HEATR5B: variants seen among roughly 807,000 people sequenced by gnomAD.
The protein encoded by HEATR5B is HEAT repeat-containing protein 5B.
In HEATR5B, 156 loss-of-function variants were observed where a neutral mutation model predicts 224.1. That is an observed-to-expected ratio of 0.70 (90% CI 0.61 to 0.80). The LOEUF (loss-of-function observed/expected upper bound fraction) is 0.80, where lower values mean the gene tolerates loss of function less well. Ranked by LOEUF, HEATR5B falls within the 30% of genes least tolerant of loss-of-function variation. The probability of loss-of-function intolerance (pLI) is 0.00; values close to 1 mark genes in which losing one functional copy is unlikely to be tolerated. For synonymous variants in HEATR5B, 1,027 were observed against 893.0 expected, an observed-to-expected ratio of 1.15 and a Z score of -2.68; for missense variants, 2,323 against 2,535.5, an observed-to-expected ratio of 0.92 and a Z score of 1.80.
In HEATR5B at chr2:37,056,582, G is replaced by A. The variant is rs749387901; in HGVS notation, c.2257C>T (p.Leu753=). ...TAAATAGAGGAAGGATCATGCTCCA[G>A]AGCCCCACTTCCAGAGGCACTGTTT... ...QPNSASGSGA[L]EHDPSSIYLR... is the part of the protein sequence containing the mutation. The change falls in exon 16 of 36, where the codon CTG becomes TTG. Residue 753 remains leucine, a synonymous_variant. Coordinates refer to ENST00000233099, the MANE Select transcript of HEATR5B (RefSeq NM_019024.3). 159 of 1,608,204 alleles carry A rather than the reference G, an allele frequency of 9.9e-5. No individual in the cohort carries two copies. The highest frequency in any genetic ancestry group is 1.3e-4 in the Non-Finnish European group (153 of 1,177,430).
chr2:37,080,769 T>C (rs570522066), intron 2 of HEATR5B, among the ~76,000 whole-genome samples: 2 of 149,672 alleles, frequency 1.3e-5, no homozygotes, highest in East Asian at 3.9e-4. Flanking sequence ...AAGGAATATG[T>C]ACAGATTAAA....
intron 6 of HEATR5B, among the ~76,000 whole-genome samples, chr2:37,071,848 C>G (rs1377877367): frequency 1.3e-5 from 2 of 152,000 alleles, no homozygotes; most frequent in Admixed American, 1.3e-4. Flanking sequence ...CCATGCCTGG[C>G]TAATTTTTGT....
At chr2:37,059,097 T>A in intron 12 of HEATR5B, 110 bp from the exon 13 acceptor site, 1 of 574,190 alleles carries the variant, frequency 1.7e-6, no homozygotes, top group Non-Finnish European at 2.9e-6. Context: ...TATTATAACG[T>A]ATAAGGTTCT....
At chr2:37,013,619 A>T (rs776691329) in intron 27 of HEATR5B, among the ~76,000 whole-genome samples, 8 of 152,254 alleles carry the variant, frequency 5.3e-5, no homozygotes, top group Non-Finnish European at 1.0e-4. Context: ...ATTTTCTGTT[A>T]TATTTTTGAG....
intron 22 of HEATR5B, among the ~76,000 whole-genome samples, chr2:37,030,579 C>T (rs1669067594): frequency 6.6e-6 from 1 of 152,032 alleles, no homozygotes; most frequent in South Asian, 2.1e-4. Context: ...GCCAAAAAAC[C>T]CTCCAGAAAA....
At chr2:36,993,828 G>GA (rs11362647) in intron 33 of HEATR5B, among the ~76,000 whole-genome samples, 17 of 148,964 alleles carry the variant, frequency 1.1e-4, no homozygotes, top group South Asian at 2.1e-4. Flanking sequence ...AACCTGAGAG[G>GA]AAAAAAAAAA....
intron 26 of HEATR5B, among the ~76,000 whole-genome samples, chr2:37,015,173 TAGG>T (rs1193058723): frequency 6.6e-6 from 1 of 152,084 alleles, no homozygotes; most frequent in Non-Finnish European, 1.5e-5. Context: ...TGTATAGACA[TAGG>T]AGAGTTACAT....
Position 37,068,909 on chromosome 2 carries a change from T to C in HEATR5B, c.949A>G (p.Thr317Ala), listed in dbSNP as rs1671743003. 2 of 1,613,756 alleles carry C rather than the reference T, an allele frequency of 1.2e-6. No homozygotes were observed. The highest frequency in any genetic ancestry group is 8.5e-7 in the Non-Finnish European group (1 of 1,179,678). The part of the protein sequence containing the change: ...VTQAYVVFVT[T>A]LGGQWLERSF... Reference sequence around the variant, plus strand: ...CGCTCCAACCACTGACCACCCAATGTTGTCACAAAAACAACATACGCCTGT... The same window carrying C: ...CGCTCCAACCACTGACCACCCAATGCTGTCACAAAAACAACATACGCCTGT... The change falls in exon 8 of 36, where the codon ACA becomes GCA. Residue 317 changes from threonine (T) to alanine (A), a missense_variant. Thr to Ala is a moderately conservative substitution (Grantham distance 58, BLOSUM62 0). Around this residue, in one of 12 missense-constraint regions of HEATR5B, gnomAD observed 502 missense variants for 517.8 expected, o/e 0.97. Coordinates refer to ENST00000233099, the MANE Select transcript of HEATR5B (RefSeq NM_019024.3).
intron 8 of HEATR5B, among the ~76,000 whole-genome samples, chr2:37,067,682 GAAT>G (rs1441239931): frequency 2.0e-5 from 3 of 152,142 alleles, no homozygotes; most frequent in Non-Finnish European, 2.9e-5. Context: ...TGAGGCAGGA[GAAT>G]AATTTGAACC....
intron 21 of HEATR5B, among the ~76,000 whole-genome samples, chr2:37,035,057 A>G (rs72789076): frequency 1.2e-4 from 19 of 152,374 alleles, no homozygotes; most frequent in Admixed American, 7.2e-4. Flanking sequence ...CTACTGTAAG[A>G]ATCAAATGGT....
intron 33 of HEATR5B, among the ~76,000 whole-genome samples, chr2:36,999,302 T>C (rs1384329720): frequency 6.6e-6 from 1 of 152,138 alleles, no homozygotes; most frequent in African/African-American, 2.4e-5. Context: ...TAGTGACAGG[T>C]ACTTCAATTT....
chr2:36,996,369 T>C (rs1041423183), intron 33 of HEATR5B, among the ~76,000 whole-genome samples: 5 of 151,824 alleles, frequency 3.3e-5, no homozygotes, highest in African/African-American at 1.2e-4. Context: ...CTGATTTTTC[T>C]TTTATATGCT....
At chr2:37,054,633 C>T (rs778194152) in intron 16 of HEATR5B, among the ~76,000 whole-genome samples, 2 of 151,202 alleles carry the variant, frequency 1.3e-5, no homozygotes, top group South Asian at 2.1e-4. Flanking sequence ...TACAGGTGTT[C>T]GCCACTACAC....
chr2:37,062,544 A>C (rs889962505), intron 10 of HEATR5B, among the ~76,000 whole-genome samples: 5 of 152,210 alleles, frequency 3.3e-5, no homozygotes, highest in African/African-American at 9.6e-5. Context: ...AGAACAGTGT[A>C]GTAGTTAAGG....
intron 16 of HEATR5B, among the ~76,000 whole-genome samples, chr2:37,054,764 T>G (rs1488144915): frequency 6.6e-6 from 1 of 152,146 alleles, no homozygotes; most frequent in East Asian, 1.9e-4. Flanking sequence ...ATAACAGGTG[T>G]GAGCCACAAC....
chr2:36,993,063 C>T (rs1312546366), intron 33 of HEATR5B, among the ~76,000 whole-genome samples: 4 of 152,090 alleles, frequency 2.6e-5, no homozygotes, highest in African/African-American at 4.8e-5. Context: ...GAAGATGGGG[C>T]ATCTAAATAT....
At chr2:37,054,031 A>C (rs764094063) in intron 16 of HEATR5B, among the ~76,000 whole-genome samples, 10 of 151,822 alleles carry the variant, frequency 6.6e-5, no homozygotes, top group Non-Finnish European at 1.5e-4. Context: ...ATAGTACCTC[A>C]TGTCCTAGCC....
At chr2:37,047,358 A>T (rs1027859008) in intron 18 of HEATR5B, among the ~76,000 whole-genome samples, 1 of 152,200 alleles carries the variant, frequency 6.6e-6, no homozygotes, top group African/African-American at 2.4e-5. Flanking sequence ...TAAAGAAGTT[A>T]AGAATAAATG....
chr2:37,021,325 G>A (rs1342147712), intron 24 of HEATR5B, among the ~76,000 whole-genome samples: 1 of 152,096 alleles, frequency 6.6e-6, no homozygotes, highest in Non-Finnish European at 1.5e-5. Context: ...TTTTAAGCCA[G>A]GTTCCCACAA....
Sources: allele counts gnomAD v4.1 joint callset (sites outside exome capture counted in the v4.1 genomes callset), GRCh38; gene constraint gnomAD v4.1.1; regional missense constraint gnomAD v4.1.1; transcripts MANE v1.5; gene names NCBI Gene and HGNC (gene_info 2026-07-23, HGNC 2026-07-21).